The following SNED1 variants were observed in gnomAD, a reference collection of about 807,000 sequenced individuals.
SNED1 encodes the protein sushi, nidogen and EGF like domains 1.
A neutral mutation model predicts 166.7 loss-of-function variants in SNED1; 81 were observed. The observed-to-expected ratio is 0.49, with a 90% confidence interval of 0.41 to 0.58. The LOEUF (loss-of-function observed/expected upper bound fraction) is 0.58, where lower values mean the gene tolerates loss of function less well. Among genes scored for constraint, SNED1 ranks in the 20% least tolerant of loss-of-function variants. SNED1 has a pLI of 0.00. For synonymous variants in SNED1, 762 were observed against 822.0 expected (o/e 0.93, Z 1.25); for missense variants, 1,604 against 2,000.2 (o/e 0.80, Z 3.78).
Position 241,094,619 on chromosome 2 carries a change from A to T in SNED1, c.*2983A>T. 1 of 352,130 alleles carries T rather than the reference A, an allele frequency of 2.8e-6. No homozygotes were observed. Among genetic ancestry groups the T allele is most frequent in the South Asian group, 2.2e-5 (1 of 46,028 alleles). The allele number at this position is 352,130 out of a possible 1,614,324, so 21.8% of individuals were successfully genotyped here. A position where few individuals can be genotyped will look rare whatever the true frequency, so the allele number is the denominator to read the frequency against. On this transcript the variant is annotated 3_prime_UTR_variant, in exon 32 of 32. Coordinates refer to ENST00000310397, the MANE Select transcript of SNED1 (RefSeq NM_001080437.3). This position sits in a 1 kb window ranked among gnomAD's most constrained non-coding sequence, Gnocchi z 4.3. ...TACCATCTGAAGTTGTCACGAGTGA[A>T]CAGTCACATTACTGTTGTGGACCAG...
intron 17 of SNED1, 68 bp downstream of exon 17, chr2:241,062,972 G>A: frequency 9.6e-7 from 1 of 1,046,178 alleles, no homozygotes; most frequent in Middle Eastern, 2.6e-4. Context: ...GAGGCACTGG[G>A]TCCCCCGGAC....
chr2:241,091,815 C>T lies in SNED1; in HGVS notation c.*179C>T, dbSNP rs972472666. 5 of 152,650 alleles carry T rather than the reference C, an allele frequency of 3.3e-5. No homozygotes were observed. The highest frequency in any genetic ancestry group is 9.6e-5 in the African/African-American group (4 of 41,456). The allele number at this position is 152,650 out of a possible 1,614,324, so 9.5% of individuals were successfully genotyped here. The stretch of plus-strand genomic sequence containing the variant: ...GGACAGATGGCCAGGCCTGTGCACA[C>T]ACCAGCCCACCCTGAGAGACCCCTC... On this transcript the variant is annotated 3_prime_UTR_variant, in exon 32 of 32. Coordinates refer to ENST00000310397, the MANE Select transcript of SNED1 (RefSeq NM_001080437.3). This position sits in a 1 kb window ranked among gnomAD's most constrained non-coding sequence, Gnocchi z 4.1.
intron 16 of SNED1, among the ~76,000 whole-genome samples, chr2:241,061,860 AAAAAAAAG>A (rs1375697867): frequency 3.9e-5 from 6 of 152,022 alleles, no homozygotes; most frequent in Admixed American, 3.3e-4. Context: ...CCCCCAAAAA[AAAAAAAAG>A]AAAAAAAGAA....
rs1264637347 is a variant in SNED1 at position 240,999,247 on chromosome 2, G to A, written c.213+197G>A. ...CGCGGGAGAGGCGCGCGGGCGGGGC[G>A]GGGGCGGCAGCCGCCGGGCACCGAG... On this transcript the variant is annotated intron_variant, in intron 1 of 31. Transcript: ENST00000310397. The surrounding 1 kb of genome is among the most constrained non-coding windows in gnomAD (Gnocchi z 5.8). Among the ~76,000 whole-genome samples, 2 of 149,992 alleles carry A rather than the reference G, an allele frequency of 1.3e-5. No homozygotes were observed. Among genetic ancestry groups the A allele is most frequent in the African/African-American group, 4.9e-5 (2 of 41,170 alleles).
chr2:241,081,058 C>G (rs545642608), intron 27 of SNED1, among the ~76,000 whole-genome samples: 4 of 152,214 alleles, frequency 2.6e-5, no homozygotes, highest in Non-Finnish European at 5.9e-5. Flanking sequence ...AGCACTGGAC[C>G]AGTGACCAGT....
chr2:241,041,153 A>C (rs996456202), intron 8 of SNED1: 1 of 283,402 alleles, frequency 3.5e-6, no homozygotes, highest in African/African-American at 2.3e-5. Context: ...TGCCGAGTGC[A>C]TGGGAGGCCA....
rs1575046218 is a variant in SNED1, at chr2:241,068,739, G to A, written c.3195-172G>A. ...TATGGGTTGGCTTCCCGCCCTAGGA[G>A]CACACGGCTCTGAGGGCCATGAGTC... is the stretch of plus-strand genomic sequence containing the variant. On this transcript the variant is annotated intron_variant, in intron 22 of 31. Coordinates refer to ENST00000310397, the MANE Select transcript of SNED1 (RefSeq NM_001080437.3). This position sits in a 1 kb window ranked among gnomAD's most constrained non-coding sequence, Gnocchi z 5.3. 3.9e-5 allele frequency among the ~76,000 whole-genome samples: 6 copies of A among 152,198 alleles called. No individual in the cohort carries two copies. In the South Asian group the frequency reaches 1.0e-3, roughly 26 times the overall value.
At chr2:241,090,143 AAC>A (rs1559322866) in intron 31 of SNED1, 1 of 1,476,776 alleles carries the variant, frequency 6.8e-7, no homozygotes, top group Non-Finnish European at 9.0e-7. Flanking sequence ...TTAAAATACA[AAC>A]ACACTGTACG....
At position 241,030,581 on chromosome 2, in the gene SNED1, G is replaced by T; in HGVS notation, c.501+10G>T. ...CAGTTCCTCATCCCCTGTGAGTCCA[G>T]GCACTTGTCCTGGGGAGGGTGGGTG... On this transcript the variant is annotated intron_variant, in intron 2 of 31. Coordinates refer to ENST00000310397, the MANE Select transcript of SNED1 (RefSeq NM_001080437.3). 1 of 1,612,642 alleles carries T rather than the reference G, an allele frequency of 6.2e-7. No individual in the cohort carries two copies. Among genetic ancestry groups the T allele is most frequent in the South Asian group, 1.1e-5 (1 of 90,970 alleles).
At chr2:241,004,346 A>C (rs954175558) in intron 1 of SNED1, among the ~76,000 whole-genome samples, 1 of 152,206 alleles carries the variant, frequency 6.6e-6, no homozygotes. Context: ...CAGCCTGACA[A>C]ATCTCTTCCT....
chr2:241,068,342 G>A lies in SNED1; in HGVS notation c.3194+395G>A, dbSNP rs192653424. Among the ~76,000 whole-genome samples the A allele has an allele frequency of 4.1e-3, 620 of 151,054 alleles. 4 individuals are homozygous for A. The highest frequency in any genetic ancestry group is 0.014 in the African/African-American group (556 of 40,472). On this transcript the variant is annotated intron_variant, in intron 22 of 31. Coordinates refer to ENST00000310397, the MANE Select transcript of SNED1 (RefSeq NM_001080437.3). This position sits in a 1 kb window ranked among gnomAD's most constrained non-coding sequence, Gnocchi z 5.3. ...CACAGTGGACCCCTCAGAGAGCAGCGGCCAGCGAGGGTAGATGGTAGCAGC... is the reference window on the plus strand; with the variant it reads ...CACAGTGGACCCCTCAGAGAGCAGCAGCCAGCGAGGGTAGATGGTAGCAGC...
intron 6 of SNED1, among the ~76,000 whole-genome samples, chr2:241,037,671 C>T (rs1298984068): frequency 1.3e-5 from 2 of 152,232 alleles, no homozygotes; most frequent in African/African-American, 2.4e-5. Flanking sequence ...CACCAGAGCC[C>T]GGATGGGAGC....
chr2:241,046,039 G>A (rs934295944), intron 8 of SNED1, among the ~76,000 whole-genome samples: 14 of 152,184 alleles, frequency 9.2e-5, no homozygotes, highest in African/African-American at 3.1e-4. Context: ...ATATATGGAG[G>A]TGAATAAACG....
chr2:241,072,612 T>C (rs1457720740), intron 26 of SNED1: 1 of 258,272 alleles, frequency 3.9e-6, no homozygotes, highest in East Asian at 1.2e-4. Flanking sequence ...GCAAGGAGAG[T>C]GGCAAGCAGG....
intron 8 of SNED1, among the ~76,000 whole-genome samples, chr2:241,043,605 G>A (rs77541282): frequency 0.038 from 5,759 of 152,230 alleles, 660 homozygotes; most frequent in East Asian, 0.26. Context: ...TGATAAATAT[G>A]TGGGTTGAAG....
chr2:241,088,206 C>A (rs1353218904), intron 30 of SNED1, 159 bp from the exon 31 acceptor site: 1 of 620,392 alleles, frequency 1.6e-6, no homozygotes, highest in Non-Finnish European at 2.9e-6. Flanking sequence ...AACTAAAATG[C>A]TAATCTCCAC....
intron 1 of SNED1, among the ~76,000 whole-genome samples, chr2:241,017,871 T>C (rs2060644924): frequency 6.6e-6 from 1 of 152,194 alleles, no homozygotes; most frequent in African/African-American, 2.4e-5. Flanking sequence ...CTGTGGCCCA[T>C]GCAAGGAGTT....
intron 4 of SNED1, among the ~76,000 whole-genome samples, 183 bp from the exon 5 acceptor site, chr2:241,036,599 GCCCCTGCT>G (rs201787806): frequency 1.1e-3 from 167 of 152,206 alleles, no homozygotes; most frequent in South Asian, 2.1e-3. Context: ...CAACAGCACC[GCCCCTGCT>G]CCCCTGCTCC....
intron 8 of SNED1, 139 bp downstream of exon 8, chr2:241,040,552 C>T: frequency 1.6e-6 from 1 of 623,286 alleles, no homozygotes; most frequent in Non-Finnish European, 2.8e-6. Context: ...ATGCCTCTGC[C>T]CCCTTCCCAC....
Sources: allele counts gnomAD v4.1 joint callset (sites outside exome capture counted in the v4.1 genomes callset), GRCh38; gene constraint gnomAD v4.1.1; non-coding constraint Gnocchi (gnomAD v3.1); transcripts MANE v1.5; gene names NCBI Gene and HGNC (gene_info 2026-07-23, HGNC 2026-07-21).